DNAH3: variants seen among roughly 807,000 people sequenced by gnomAD.
DNAH3 encodes axonemal beta dynein heavy chain 3.
DNAH3 carries 332 observed loss-of-function variants against 432.5 expected under a neutral mutation model. That is an observed-to-expected ratio of 0.77 (90% confidence interval 0.70 to 0.84). DNAH3 has a LOEUF of 0.84. Ranked by LOEUF, DNAH3 falls within the 40% of genes least tolerant of loss-of-function variation. The pLI, the probability that DNAH3 is intolerant of heterozygous loss-of-function variation, is 0.00. For missense variants in DNAH3, 4,861 were observed against 5,114.0 expected, an observed-to-expected ratio of 0.95 and a Z score of 1.51; for synonymous variants, 1,956 against 1,900.2, an observed-to-expected ratio of 1.03 and a Z score of -0.76.
At chr16:20,962,761 G>T (rs1343181421) in intron 53 of DNAH3, among the ~76,000 whole-genome samples, 1 of 152,090 alleles carries the variant, frequency 6.6e-6, no homozygotes, top group East Asian at 1.9e-4. Context: ...AGGCTGAAGG[G>T]ATCCTCCTGC....
intron 20 of DNAH3, among the ~76,000 whole-genome samples, chr16:21,079,281 GAAT>G (rs1314991531): frequency 6.6e-6 from 1 of 152,156 alleles, no homozygotes; most frequent in Non-Finnish European, 1.5e-5. Flanking sequence ...TGTAAAATGA[GAAT>G]AATATTAGGA....
intron 41 of DNAH3, among the ~76,000 whole-genome samples, chr16:21,016,484 T>C (rs1567640856): frequency 6.6e-6 from 1 of 152,194 alleles, no homozygotes; most frequent in Non-Finnish European, 1.5e-5. Flanking sequence ...CAATGGCTAT[T>C]ATCAGTAAAA....
At chr16:21,068,657 C>T (rs1008796255) in intron 23 of DNAH3, among the ~76,000 whole-genome samples, 2 of 152,170 alleles carry the variant, frequency 1.3e-5, no homozygotes, top group African/African-American at 4.8e-5. Flanking sequence ...ATTCTTGCCA[C>T]CTTCAAGTAT....
intron 7 of DNAH3, among the ~76,000 whole-genome samples, chr16:21,133,211 G>C (rs1264247127): frequency 6.6e-6 from 1 of 151,830 alleles, no homozygotes; most frequent in Non-Finnish European, 1.5e-5. Context: ...AAAATTAGCT[G>C]GGTGTGGTGG....
At chr16:21,159,412 T>G (rs1240464653) in exon 1 of DNAH3, 5 of 1,613,948 alleles carry the variant, frequency 3.1e-6, no homozygotes, top group Non-Finnish European at 4.2e-6. Context: ...GGGCGGCCAG[T>G]GTGAGCTCGA....
chr16:21,037,751 C>T lies in DNAH3; in HGVS notation c.4950+10G>A, dbSNP rs905479188. ...TTGGTCCTCGGCCAAGGTCCTGAAC[C>T]GCTACATACCTGAAACAGAGGGACA... On this transcript the variant is annotated intron_variant, in intron 34 of 61. Coordinates refer to ENST00000261383, the Ensembl canonical transcript of DNAH3. 5.0e-6 allele frequency: 8 copies of T among 1,613,504 alleles called. No individual in the cohort carries two copies. The highest frequency in any genetic ancestry group is 3.3e-4 in the Middle Eastern group (2 of 6,060).
chr16:21,146,296 C>T lies in DNAH3; in HGVS notation c.118-208G>A, dbSNP rs567830746. On this transcript the variant is annotated intron_variant, in intron 1 of 61. Transcript: ENST00000261383. Reference sequence around the variant, plus strand: ...AAGGGCTGGGTGCGGTAGCTCACCCCGGTAATCCCACCAGTTTGAGAGGCC... The same window carrying T: ...AAGGGCTGGGTGCGGTAGCTCACCCTGGTAATCCCACCAGTTTGAGAGGCC... Among the ~76,000 whole-genome samples the T allele has an allele frequency of 1.6e-3, 249 of 152,266 alleles. 1 individual carries two copies. The highest frequency in any genetic ancestry group is 4.2e-3 in the Admixed American group (64 of 15,294).
exon 45 of DNAH3, chr16:20,988,038 A>T: frequency 6.2e-7 from 1 of 1,614,172 alleles, no homozygotes; most frequent in Non-Finnish European, 8.5e-7. Context: ...ATTGATGGAA[A>T]TGATATTCAG....
rs146498327 is a variant in DNAH3 at position 21,042,745 on chromosome 16, T to G, written c.4462-542A>C. Reference sequence around the variant, plus strand: ...ATTGTGCAGGTTACATATATATACATGTGCCATGCTGGTGCGCTGCACCCA... The same window carrying G: ...ATTGTGCAGGTTACATATATATACAGGTGCCATGCTGGTGCGCTGCACCCA... On this transcript the variant is annotated intron_variant, in intron 31 of 61. Coordinates refer to ENST00000261383, the Ensembl canonical transcript of DNAH3. Among the ~76,000 whole-genome samples the G allele has an allele frequency of 4.8e-4, 73 of 152,292 alleles. No individual in the cohort carries two copies. The East Asian group carries it at 0.013, about 27-fold the overall frequency.
intron 27 of DNAH3, among the ~76,000 whole-genome samples, chr16:21,057,324 C>A (rs938137517): frequency 1.3e-5 from 2 of 152,190 alleles, no homozygotes; most frequent in African/African-American, 4.8e-5. Flanking sequence ...GTGCTGGGCA[C>A]TGTATTAACC....
intron 41 of DNAH3, chr16:21,019,351 G>C (rs2088030394): frequency 9.5e-6 from 4 of 422,450 alleles, no homozygotes; most frequent in Non-Finnish European, 1.7e-5. Flanking sequence ...ATAGAGACGG[G>C]GTTTCACCAT....
At chr16:21,005,886 C>T (rs1484371567) in intron 41 of DNAH3, among the ~76,000 whole-genome samples, 2 of 149,348 alleles carry the variant, frequency 1.3e-5, no homozygotes, top group African/African-American at 5.0e-5. Context: ...GAAACTGAGG[C>T]CCATCAGATA....
At chr16:20,944,261 C>G (rs1473047836) in intron 58 of DNAH3, among the ~76,000 whole-genome samples, 2 of 152,024 alleles carry the variant, frequency 1.3e-5, no homozygotes, top group African/African-American at 4.8e-5. Flanking sequence ...GTGGATATAG[C>G]AGAAAACATG....
intron 16 of DNAH3, among the ~76,000 whole-genome samples, chr16:21,103,359 G>C (rs1443764248): frequency 6.7e-6 from 1 of 149,524 alleles, no homozygotes; most frequent in Non-Finnish European, 1.5e-5. Flanking sequence ...GTGTGTGGGG[G>C]GGGGCAGGGT....
In DNAH3 at chr16:20,964,086, G is replaced by A. The variant is rs755917700; in HGVS notation, c.9798C>T (p.Ser3266=). Residue 3266 remains serine, a synonymous_variant, in exon 53 of 62, where the codon TCC becomes TCT. Transcript: ENST00000261383. Reference sequence around the variant, plus strand: ...CTGAGATCTCTTCAGATAGCACTTTGGAGGAGGACAGAACTTTGATGGCGG... The same window carrying A: ...CTGAGATCTCTTCAGATAGCACTTTAGAGGAGGACAGAACTTTGATGGCGG... The A allele has an allele frequency of 1.9e-6, 3 of 1,614,178 alleles. 1 individual carries two copies. The South Asian group carries it at 3.3e-5, about 18-fold the overall frequency.
chr16:21,155,152 G>T (rs2092889893), intron 1 of DNAH3, among the ~76,000 whole-genome samples: 1 of 151,714 alleles, frequency 6.6e-6, no homozygotes, highest in East Asian at 2.0e-4. Flanking sequence ...GTTTTGCCAT[G>T]TTGGCCAGCC....
At chr16:21,151,151 T>C (rs1289284919) in intron 1 of DNAH3, among the ~76,000 whole-genome samples, 1 of 152,204 alleles carries the variant, frequency 6.6e-6, no homozygotes, top group Non-Finnish European at 1.5e-5. Flanking sequence ...ATTAATTAGC[T>C]GTGTGGCTTG....
chr16:21,094,502 C>T (rs1040115524), intron 18 of DNAH3, among the ~76,000 whole-genome samples: 4 of 152,068 alleles, frequency 2.6e-5, no homozygotes, highest in African/African-American at 9.7e-5. Flanking sequence ...GAAACCCCGG[C>T]TCTACGAAAA....
At chr16:21,007,812 TAA>T (rs1302474863) in intron 41 of DNAH3, among the ~76,000 whole-genome samples, 1 of 152,232 alleles carries the variant, frequency 6.6e-6, no homozygotes, top group East Asian at 1.9e-4. Flanking sequence ...TGTTTTCTTC[TAA>T]GAGTTTTATA....
Sources: gnomAD v4.1 joint callset for allele counts (sites outside exome capture counted in the v4.1 genomes callset) on GRCh38, gnomAD v4.1.1 for gene constraint, MANE v1.5 for transcripts, NCBI Gene and HGNC (gene_info 2026-07-23, HGNC 2026-07-21) for gene names.